Variants in TPO observed in about 807,000 individuals in gnomAD.
The protein encoded by TPO is thyroid peroxidase.
Under a neutral mutation model 96.9 loss-of-function variants are expected in TPO, and 78 were observed. The observed-to-expected ratio is 0.81, with a 90% CI of 0.67 to 0.97. TPO has a LOEUF of 0.97. Ranked by LOEUF, TPO falls within the 50% of genes least tolerant of loss-of-function variation. The pLI is 0.00. For synonymous variants in TPO, 547 were observed against 538.0 expected, an observed-to-expected ratio of 1.02 and a Z score of -0.23; for missense variants, 1,252 against 1,274.8, an observed-to-expected ratio of 0.98 and a Z score of 0.27.
intron 15 of TPO, among the ~76,000 whole-genome samples, chr2:1,539,361 G>A (rs1680456730): frequency 6.6e-6 from 1 of 152,166 alleles, no homozygotes; most frequent in Non-Finnish European, 1.5e-5. Context: ...ATGCGGAGAG[G>A]TCACCAAGTC....
chr2:1,469,506 T>C (rs1246289497), intron 7 of TPO, among the ~76,000 whole-genome samples: 1 of 152,158 alleles, frequency 6.6e-6, no homozygotes, highest in African/African-American at 2.4e-5. Context: ...CAAGTTCAAA[T>C]TGTTACAAAG....
chr2:1,537,540 A>AGTGTGCAACCCCCCAAATCCCCCACCT (rs1553342090), intron 15 of TPO, among the ~76,000 whole-genome samples: 1 of 22,126 alleles, frequency 4.5e-5, no homozygotes, highest in Non-Finnish European at 7.4e-5. Flanking sequence ...TATCCCCCCC[A>AGTGTGCAACCCCCCAAATCCCCCACCT]GTGTGCAACC....
intron 10 of TPO, among the ~76,000 whole-genome samples, 163 bp from the exon 11 acceptor site, chr2:1,493,639 G>A (rs1672027212): frequency 3.3e-5 from 5 of 149,694 alleles, no homozygotes; most frequent in African/African-American, 1.3e-4. Context: ...CCGGGCGTCG[G>A]AGCTGGAATA....
chr2:1,420,455 A>G (rs912144868), intron 2 of TPO, among the ~76,000 whole-genome samples: 3 of 152,266 alleles, frequency 2.0e-5, no homozygotes, highest in South Asian at 4.1e-4. Context: ...TGACAGAGCT[A>G]ATTTTTTTTC....
chr2:1,374,106 C>T (rs550965350), upstream of TPO: 26 of 152,386 alleles, frequency 1.7e-4, no homozygotes, highest in African/African-American at 6.0e-4. Flanking sequence ...CTGCAGTTCA[C>T]CTCTGTGGCC....
At chr2:1,384,035 T>C (rs1225840015) in intron 1 of TPO, among the ~76,000 whole-genome samples, 1 of 152,206 alleles carries the variant, frequency 6.6e-6, no homozygotes, top group East Asian at 1.9e-4. Context: ...TGTAGATGTG[T>C]GGCATTATTT....
intron 2 of TPO, among the ~76,000 whole-genome samples, chr2:1,415,214 G>C (rs1210391452): frequency 2.1e-5 from 3 of 145,914 alleles, no homozygotes; most frequent in Admixed American, 2.0e-4. Context: ...ACAGTCCCGG[G>C]GCCCCTGGAG....
At position 1,456,177 on chromosome 2, in the gene TPO, C is replaced by A. The variant is rs979528618; in HGVS notation, c.714C>A (p.Asp238Glu). 1.2e-6 allele frequency: 2 copies of A among 1,613,988 alleles called. No homozygotes were observed. The highest frequency in any genetic ancestry group is 1.7e-5 in the Admixed American group (1 of 59,998). ...TGATGGCATGGGGACAATACATCGACCACGACATCGCGTTCACACCACAGA... is the reference window on the plus strand; with the variant it reads ...TGATGGCATGGGGACAATACATCGAACACGACATCGCGTTCACACCACAGA... ...DLLMAWGQYI[D>E]HDIAFTPQST... is the part of the protein sequence containing the mutation. The change falls in exon 7 of 17, where the codon GAC (aspartate) becomes GAA (glutamate). Residue 238 changes from aspartate (D) to glutamate (E), a missense_variant. By Grantham distance (45) the Asp-to-Glu change is conservative. Coordinates refer to ENST00000329066, the MANE Select transcript of TPO (RefSeq NM_001206744.2).
chr2:1,404,539 C>G (rs989696543), intron 1 of TPO, among the ~76,000 whole-genome samples: 1 of 152,144 alleles, frequency 6.6e-6, no homozygotes, highest in East Asian at 1.9e-4. Flanking sequence ...CAACTGGTGT[C>G]TTTAATAAGA....
chr2:1,424,307 G>T (rs1664096327), intron 3 of TPO, among the ~76,000 whole-genome samples: 1 of 51,208 alleles, frequency 2.0e-5, no homozygotes, highest in Non-Finnish European at 4.1e-5. Flanking sequence ...GGACACCAAG[G>T]TTTTATGAGC....
At chr2:1,440,110 C>T (rs915602201) in intron 5 of TPO, among the ~76,000 whole-genome samples, 6 of 151,990 alleles carry the variant, frequency 3.9e-5, no homozygotes, top group Non-Finnish European at 8.8e-5. Context: ...CACTGTGCTG[C>T]GTTTCCAATG....
chr2:1,522,496 C>T (rs567757497), intron 15 of TPO, among the ~76,000 whole-genome samples: 10 of 151,554 alleles, frequency 6.6e-5, no homozygotes, highest in African/African-American at 2.2e-4. Flanking sequence ...GGCCCGCCAC[C>T]GTGCCCTCAC....
At chr2:1,440,562 C>A (rs1159231573) in intron 5 of TPO, among the ~76,000 whole-genome samples, 1 of 150,884 alleles carries the variant, frequency 6.6e-6, no homozygotes, top group Non-Finnish European at 1.5e-5. Flanking sequence ...GCTGCTTCTC[C>A]TTTGTGTGGT....
rs114564655 is a variant in TPO at position 1,434,147 on chromosome 2, G to A, written c.349+540G>A. ...AGTGCATAAACCAGGAGCAAATGTC[G>A]TCATTTCTTCAGCTCTAAAGCACTC... is the stretch of plus-strand genomic sequence containing the variant. On this transcript the variant is annotated intron_variant, in intron 4 of 16. Transcript: ENST00000329066. 5.9e-3 allele frequency among the ~76,000 whole-genome samples: 900 copies of A among 152,268 alleles called. 10 individuals carry two copies. The highest frequency in any genetic ancestry group is 0.02 in the African/African-American group (844 of 41,564).
intron 15 of TPO, among the ~76,000 whole-genome samples, 191 bp downstream of exon 15, chr2:1,517,173 A>G (rs542211663): frequency 6.6e-6 from 1 of 152,258 alleles, no homozygotes; most frequent in African/African-American, 2.4e-5. Context: ...TTAAATAATG[A>G]AAGTGGAGTG....
Position 1,384,046 on chromosome 2 carries a change from C to A in TPO, n.180+9644C>A, listed in dbSNP as rs1026692874. On this transcript the variant is annotated intron_variant and non_coding_transcript_variant, in intron 1 of 5. Coordinates refer to the TPO transcript ENST00000497517. Reference sequence around the variant, plus strand: ...TAGTTGTAGATGTGTGGCATTATTTCTGAGGGCTCTGTTCTGTTCCATTGG... The same window carrying A: ...TAGTTGTAGATGTGTGGCATTATTTATGAGGGCTCTGTTCTGTTCCATTGG... 3.3e-5 allele frequency among the ~76,000 whole-genome samples: 5 copies of A among 152,308 alleles called. No individual in the cohort carries two copies. The East Asian group carries it at 9.6e-4, about 29-fold the overall frequency.
rs1474723274 is a variant in TPO at position 1,523,503 on chromosome 2, CG to C, written c.2618+6522del. On this transcript the variant is annotated intron_variant, in intron 15 of 16. Transcript: ENST00000329066. ...TCTATGCAAACTCCCCAAATCCCCC[CG>C]ACTCTATGCAACCTCCCCAAATCCC... is the stretch of plus-strand genomic sequence containing the variant. Among the ~76,000 whole-genome samples the C allele has an allele frequency of 2.0e-3, 138 of 68,128 alleles. 2 individuals carry two copies. Among genetic ancestry groups the C allele is most frequent in the Non-Finnish European group, 3.5e-3 (113 of 31,832 alleles). The allele number at this position is 68,128 out of a possible 152,430, so 44.7% of individuals were successfully genotyped here.
intron 2 of TPO, among the ~76,000 whole-genome samples, chr2:1,416,296 G>T (rs1041267106): frequency 7.2e-5 from 11 of 152,166 alleles, no homozygotes; most frequent in Non-Finnish European, 1.5e-4. Context: ...CCAATGGTTT[G>T]TAAATTAATT....
chr2:1,540,863 G>A (rs1198061209), intron 16 of TPO, 140 bp downstream of exon 16: 1 of 1,555,496 alleles, frequency 6.4e-7, no homozygotes, highest in Non-Finnish European at 8.7e-7. Flanking sequence ...CCTTCCTCCG[G>A]GAGGTTTTAT....
Sources: gnomAD v4.1 joint callset for allele counts (sites outside exome capture counted in the v4.1 genomes callset) on GRCh38, gnomAD v4.1.1 for gene constraint, MANE v1.5 for transcripts, NCBI Gene and HGNC (gene_info 2026-07-23, HGNC 2026-07-21) for gene names.